The following OR8H1 variants were observed in gnomAD, a reference collection of about 807,000 sequenced individuals.
The protein encoded by OR8H1 is olfactory receptor 8H1.
For synonymous variants in OR8H1, 135 were observed against 134.5 expected (o/e 1.00, Z -0.03); for missense variants, 388 against 374.1 (o/e 1.04, Z -0.31).
chr11:56,290,542 C>T lies in OR8H1; in HGVS notation c.521G>A (p.Arg174His), dbSNP rs770827552. 1 of 1,614,138 alleles carries T rather than the reference C, an allele frequency of 6.2e-7. No individual in the cohort carries two copies. Among genetic ancestry groups the T allele is most frequent in the Non-Finnish European group, 8.5e-7 (1 of 1,180,016 alleles). Residue 174 changes from arginine to histidine, a missense_variant, in exon 2 of 2, where the codon CGT becomes CAT. By Grantham distance (29) the Arg-to-His change is conservative. Transcript: ENST00000641600. ...TGGAGACGTGTCGCAGAAAAAGTGACGAACTACATTTGAGTCGCAGAAATG... is the reference window on the plus strand; with the variant it reads ...TGGAGACGTGTCGCAGAAAAAGTGATGAACTACATTTGAGTCGCAGAAATG... Reference protein sequence around the residue: ...RLHFCDSNVVRHFFCDTSPIL... With the variant: ...RLHFCDSNVVHHFFCDTSPIL...
Position 56,289,383 on chromosome 11 carries a change from T to C in OR8H1, c.*744A>G, listed in dbSNP as rs1854108885. ...ATTTCAAAACAGTACTCCTAAAGAC[T>C]CTGTTATAATTCTTCCCCATATAAT... On this transcript the variant is annotated 3_prime_UTR_variant, in exon 2 of 2. Coordinates refer to ENST00000641600, the MANE Select transcript of OR8H1 (RefSeq NM_001005199.2). The C allele has an allele frequency of 6.6e-6, 1 of 152,166 alleles. No homozygotes were observed. The highest frequency in any genetic ancestry group is 2.1e-4 in the South Asian group (1 of 4,824). The allele number at this position is 152,166 out of a possible 1,614,324, so 9.4% of individuals were successfully genotyped here.
In OR8H1 at chr11:56,290,011, C is replaced by A; in HGVS notation, c.*116G>T. The A allele has an allele frequency of 2.2e-6, 2 of 890,806 alleles. No homozygotes were observed. Among genetic ancestry groups the A allele is most frequent in the Non-Finnish European group, 3.8e-6 (2 of 526,818 alleles). 55.2% of individuals were successfully genotyped at this position (890,806 alleles called of 1,614,324 possible). ...TCACGTTTAGTCAAGCAAAGGTTAG[C>A]ACAACAGAAATGCAAACATGAAGGA... On this transcript the variant is annotated 3_prime_UTR_variant, in exon 2 of 2. Coordinates refer to ENST00000641600, the MANE Select transcript of OR8H1 (RefSeq NM_001005199.2).
chr11:56,289,772 C>A lies in OR8H1; in HGVS notation c.*355G>T, dbSNP rs996156184. ...AAGTAGCTGGGATTACAGGCATGCA[C>A]CACCACACCCAGCTAATTTTTTGTA... On this transcript the variant is annotated 3_prime_UTR_variant, in exon 2 of 2. Transcript: ENST00000641600. 1 of 257,152 alleles carries A rather than the reference C, an allele frequency of 3.9e-6. No homozygotes were observed. The highest frequency in any genetic ancestry group is 2.3e-5 in the African/African-American group (1 of 43,244). 15.9% of individuals were successfully genotyped at this position (257,152 alleles called of 1,614,324 possible). A position where few individuals can be genotyped will look rare whatever the true frequency, so the allele number is the denominator to read the frequency against.
Position 56,289,855 on chromosome 11 carries a change from T to A in OR8H1, c.*272A>T. On this transcript the variant is annotated 3_prime_UTR_variant, in exon 2 of 2. Coordinates refer to ENST00000641600, the MANE Select transcript of OR8H1 (RefSeq NM_001005199.2). ...GGCTGGTCTTGAACTTCTGACCTCA[T>A]GTGATCCACCCACCTCGGCCTCCCA... 4.4e-6 allele frequency: 2 copies of A among 454,832 alleles called. No homozygotes were observed. Among genetic ancestry groups the A allele is most frequent in the Non-Finnish European group, 8.0e-6 (2 of 249,946 alleles). The allele number at this position is 454,832 out of a possible 1,614,324, so 28.2% of individuals were successfully genotyped here. A position where few individuals can be genotyped will look rare whatever the true frequency, so the allele number is the denominator to read the frequency against.
chr11:56,291,167 G>T, intron 1 of OR8H1, 83 bp from the exon 2 acceptor site: 1 of 816,364 alleles, frequency 1.2e-6, no homozygotes, highest in Non-Finnish European at 1.9e-6. Context: ...AATTCATTTA[G>T]TGTTTCTATA....
rs190311444 is a variant in OR8H1 at position 56,290,538 on chromosome 11, G to C, written c.525C>G (p.His175Gln). The C allele has an allele frequency of 1.9e-6, 3 of 1,614,210 alleles. No homozygotes were observed. The highest frequency in any genetic ancestry group is 4.5e-5 in the East Asian group (2 of 44,878). ...LHFCDSNVVR[H>Q]FFCDTSPILA... Reference sequence around the variant, plus strand: ...AAATTGGAGACGTGTCGCAGAAAAAGTGACGAACTACATTTGAGTCGCAGA... The same window carrying C: ...AAATTGGAGACGTGTCGCAGAAAAACTGACGAACTACATTTGAGTCGCAGA... The change falls in exon 2 of 2, where the codon CAC becomes CAG. Residue 175 changes from histidine to glutamine, a missense_variant. Physicochemically the swap from His to Gln is conservative, Grantham distance 24. Transcript: ENST00000641600.
intron 1 of OR8H1, among the ~76,000 whole-genome samples, chr11:56,291,704 A>G (rs539924167): frequency 1.3e-5 from 2 of 152,136 alleles, no homozygotes; most frequent in Non-Finnish European, 2.9e-5. Context: ...TATAAGTATT[A>G]ATTTATACAA....
At position 56,289,036 on chromosome 11, in the gene OR8H1, A is replaced by C. The variant is rs1453798832; in HGVS notation, c.*1091T>G. 6.6e-6 allele frequency: 1 copy of C among 152,076 alleles called. No homozygotes were observed. The highest frequency in any genetic ancestry group is 1.5e-5 in the Non-Finnish European group (1 of 67,970). 9.4% of individuals were successfully genotyped at this position (152,076 alleles called of 1,614,324 possible). A position where few individuals can be genotyped will look rare whatever the true frequency, so the allele number is the denominator to read the frequency against. ...AAAATATTTTATTTCCTAAAGTCCA[A>C]ATTGTGAACTACTGATATTATCTTT... On this transcript the variant is annotated 3_prime_UTR_variant, in exon 2 of 2. Transcript: ENST00000641600.
rs267603003 is a variant in OR8H1, at chr11:56,290,814, C to T, written c.249G>A (p.Ala83=). The change falls in exon 2 of 2, where the codon GCG becomes GCA. Residue 83 remains alanine, a synonymous_variant. Coordinates refer to ENST00000641600, the MANE Select transcript of OR8H1 (RefSeq NM_001005199.2). ...AAATATAGTTGGAAGTCAGTAAGTT[C>T]GCTAAGGTTTTAGGTGTGATGACAG... The part of the protein sequence containing the change: ...YSTVITPKTL[A]NLLTSNYISF... The T allele has an allele frequency of 1.6e-5, 26 of 1,613,944 alleles. No homozygotes were observed. Among genetic ancestry groups the T allele is most frequent in the Middle Eastern group, 1.6e-4 (1 of 6,080 alleles).
In OR8H1 at chr11:56,289,023, T is replaced by C. The variant is rs752266759; in HGVS notation, c.*1104A>G. 19 of 152,128 alleles carry C rather than the reference T, an allele frequency of 1.2e-4. No individual in the cohort carries two copies. Among genetic ancestry groups the C allele is most frequent in the Admixed American group, 3.3e-4 (5 of 15,266 alleles). The allele number at this position is 152,128 out of a possible 1,614,324, so 9.4% of individuals were successfully genotyped here. A position where few individuals can be genotyped will look rare whatever the true frequency, so the allele number is the denominator to read the frequency against. ...ACTTAATTTTATCAAAATATTTTATTTCCTAAAGTCCAAATTGTGAACTAC... is the reference window on the plus strand; with the variant it reads ...ACTTAATTTTATCAAAATATTTTATCTCCTAAAGTCCAAATTGTGAACTAC... On this transcript the variant is annotated 3_prime_UTR_variant, in exon 2 of 2. Coordinates refer to ENST00000641600, the MANE Select transcript of OR8H1 (RefSeq NM_001005199.2).
At position 56,290,585 on chromosome 11, in the gene OR8H1, C is replaced by T; in HGVS notation, c.478G>A (p.Val160Ile). The change falls in exon 2 of 2, where the codon GTT becomes ATT. Residue 160 changes from valine (V) to isoleucine (I), a missense_variant. Transcript: ENST00000641600. ...CAGAAATGCAGTCTGCTCATCCAAA[C>T]CACATTGACAAAGGAGTTGATAAAG... Reference protein sequence around the residue: ...ISFINSFVNVVWMSRLHFCDS... With the variant: ...ISFINSFVNVIWMSRLHFCDS... The T allele has an allele frequency of 6.2e-7, 1 of 1,614,160 alleles. No homozygotes were observed. The highest frequency in any genetic ancestry group is 8.5e-7 in the Non-Finnish European group (1 of 1,180,032).
rs367818551 is a variant in OR8H1, at chr11:56,290,809, A to G, written c.254T>C (p.Leu85Ser). ...TVITPKTLANLLTSNYISFMG... is the reference protein window; with the variant it reads ...TVITPKTLANSLTSNYISFMG... ...GAAGGAAATATAGTTGGAAGTCAGTAAGTTCGCTAAGGTTTTAGGTGTGAT... is the reference window on the plus strand; with the variant it reads ...GAAGGAAATATAGTTGGAAGTCAGTGAGTTCGCTAAGGTTTTAGGTGTGAT... The change falls in exon 2 of 2, where the codon TTA becomes TCA. Residue 85 changes from leucine (L) to serine (S), a missense_variant. Leu to Ser is a moderately radical substitution (Grantham distance 145, BLOSUM62 -2). Coordinates refer to ENST00000641600, the MANE Select transcript of OR8H1 (RefSeq NM_001005199.2). 1.1e-5 allele frequency: 18 copies of G among 1,614,036 alleles called. No individual in the cohort carries two copies. In the African/African-American group the frequency reaches 2.4e-4, roughly 22 times the overall value.
At position 56,288,764 on chromosome 11, in the gene OR8H1, CAT is replaced by C. The variant is rs1440725328; in HGVS notation, c.*1361_*1362del. ...TACACAGAAAGTGATATTTAGTTTA[CAT>C]ATGTTATACACATGCACATATTCAA... is the stretch of plus-strand genomic sequence containing the variant. On this transcript the variant is annotated 3_prime_UTR_variant, in exon 2 of 2. Coordinates refer to ENST00000641600, the MANE Select transcript of OR8H1 (RefSeq NM_001005199.2). The C allele has an allele frequency of 6.6e-6, 1 of 152,048 alleles. No homozygotes were observed. Among genetic ancestry groups the C allele is most frequent in the Non-Finnish European group, 1.5e-5 (1 of 67,942 alleles). The allele number at this position is 152,048 out of a possible 1,614,324, so 9.4% of individuals were successfully genotyped here. A position where few individuals can be genotyped will look rare whatever the true frequency, so the allele number is the denominator to read the frequency against.
In OR8H1 at chr11:56,290,127, T is replaced by C; in HGVS notation, c.936A>G (p.Ter312=). The change falls in exon 2 of 2, where the codon TAA becomes TAG. Residue 312 remains the stop codon, a stop_retained_variant. Coordinates refer to ENST00000641600, the MANE Select transcript of OR8H1 (RefSeq NM_001005199.2). ...ATGTTCAGCATTCCTGCTATTTTAA[T>C]TACCTGGAGTCCTGTCTTCTCTGCA... The part of the protein sequence containing the change: ...RVMQRRQDSR[*] 1 of 1,598,262 alleles carries C rather than the reference T, an allele frequency of 6.3e-7. No homozygotes were observed.
At chr11:56,291,511 AC>A (rs1171385065) in intron 1 of OR8H1, among the ~76,000 whole-genome samples, 2 of 152,136 alleles carry the variant, frequency 1.3e-5, no homozygotes, top group African/African-American at 4.8e-5. Flanking sequence ...ATAATACTAT[AC>A]TCCTGTTTAT....
At position 56,290,182 on chromosome 11, in the gene OR8H1, T is replaced by A. The variant is rs1037667277; in HGVS notation, c.881A>T (p.Lys294Ile). ...LNPLIYSLRN[K>I]EVKNALIRVM... The stretch of plus-strand genomic sequence containing the variant: ...TCTAATGAGAGCATTTTTAACTTCT[T>A]TGTTTCTAAGACTATAAATGAGTGG... Residue 294 changes from lysine to isoleucine, a missense_variant, in exon 2 of 2, where the codon AAA becomes ATA. Lys to Ile is a moderately radical substitution (Grantham distance 102, BLOSUM62 -3). Transcript: ENST00000641600. 5 of 1,609,522 alleles carry A rather than the reference T, an allele frequency of 3.1e-6. No individual in the cohort carries two copies. Among genetic ancestry groups the A allele is most frequent in the Admixed American group, 3.4e-5 (2 of 58,970 alleles).
chr11:56,290,735 C>A lies in OR8H1; in HGVS notation c.328G>T (p.Glu110Ter), dbSNP rs780986409. The A allele has an allele frequency of 1.2e-6, 2 of 1,614,110 alleles. No individual in the cohort carries two copies. The highest frequency in any genetic ancestry group is 4.5e-5 in the East Asian group (2 of 44,870). ...MFFFVFLGAAECFLLSSMAYD... is the reference protein window; with the variant it reads ...MFFFVFLGAA Reference sequence around the variant, plus strand: ...GCCATTGATGAGAGAAGAAAACATTCAGCAGCTCCCAAGAAGACAAAAAAG... The same window carrying A: ...GCCATTGATGAGAGAAGAAAACATTAAGCAGCTCCCAAGAAGACAAAAAAG... The change falls in exon 2 of 2, where the codon GAA (glutamate) becomes TAA (stop). Residue 110 changes from glutamate (E) to a stop codon, truncating the protein, a stop_gained. Transcript: ENST00000641600. LOFTEE classifies it low-confidence loss of function (END_TRUNC).
rs1365987186 is a variant in OR8H1 at position 56,290,469 on chromosome 11, T to C, written c.594A>G (p.Ile198Met). ...CMDTYDIEIM[I>M]HILAGSTLMV... is the part of the protein sequence containing the mutation. ...TCAGGGTGGAACCAGCTAAAATGTG[T>C]ATCATGATTTCAATGTCGTATGTGT... The change falls in exon 2 of 2, where the codon ATA becomes ATG. Residue 198 changes from isoleucine (I) to methionine (M), a missense_variant. Transcript: ENST00000641600. The C allele has an allele frequency of 1.9e-6, 3 of 1,614,076 alleles. No homozygotes were observed. The highest frequency in any genetic ancestry group is 1.3e-5 in the African/African-American group (1 of 74,936).
intron 1 of OR8H1, 23 bp from the exon 2 acceptor site, chr11:56,291,107 T>C: frequency 7.4e-7 from 1 of 1,352,536 alleles, no homozygotes; most frequent in Non-Finnish European, 1.0e-6. Context: ...AGTTGATACT[T>C]AACATGAATG....
Sources: gnomAD v4.1 joint callset for allele counts (sites outside exome capture counted in the v4.1 genomes callset) on GRCh38, gnomAD v4.1.1 for gene constraint, MANE v1.5 for transcripts, NCBI Gene and HGNC (gene_info 2026-07-23, HGNC 2026-07-21) for gene names.